The following CPD variants were observed in gnomAD, a reference collection of about 807,000 sequenced individuals.
CPD encodes carboxypeptidase D.
A neutral mutation model predicts 138.3 loss-of-function variants in CPD; 69 were observed. The observed-to-expected ratio is 0.50, with a 90% CI of 0.41 to 0.61. The LOEUF is 0.61. CPD is among the 20% of genes least tolerant of loss of function. The pLI is 0.00. For synonymous variants in CPD, 651 were observed against 642.1 expected (o/e 1.01, Z -0.21); for missense variants, 1,432 against 1,733.3 (o/e 0.83, Z 3.09).
chr17:30,417,158 A>G (rs1912131722), intron 2 of CPD, among the ~76,000 whole-genome samples: 1 of 151,768 alleles, frequency 6.6e-6, no homozygotes, highest in African/African-American at 2.4e-5. Context: ...TTTCTTATTT[A>G]TATTTGTTTA....
chr17:30,459,169 G>GTTTT (rs1913388221), intron 17 of CPD, among the ~76,000 whole-genome samples: 1 of 91,234 alleles, frequency 1.1e-5, no homozygotes, highest in African/African-American at 4.2e-5. Context: ...TTTTTTGGTT[G>GTTTT]TTGTTTTCCT....
intron 15 of CPD, 74 bp from the exon 16 acceptor site, chr17:30,456,182 A>G (rs1207803905): frequency 2.7e-6 from 3 of 1,116,338 alleles, no homozygotes; most frequent in Non-Finnish European, 2.6e-6. Flanking sequence ...GATGACTTGT[A>G]TCCATGAAGG....
intron 2 of CPD, among the ~76,000 whole-genome samples, chr17:30,396,459 C>A (rs955996329): frequency 6.6e-6 from 1 of 151,940 alleles, no homozygotes. Flanking sequence ...CTGTTTGAGA[C>A]AGAAGAGTGA....
intron 9 of CPD, among the ~76,000 whole-genome samples, chr17:30,442,020 G>A (rs1378537649): frequency 6.6e-6 from 1 of 151,674 alleles, no homozygotes; most frequent in Non-Finnish European, 1.5e-5. Context: ...GGTAGAATTC[G>A]GCTGTAAATC....
chr17:30,451,497 G>A (rs1310712666), intron 13 of CPD, among the ~76,000 whole-genome samples: 1 of 152,160 alleles, frequency 6.6e-6, no homozygotes, highest in Non-Finnish European at 1.5e-5. Flanking sequence ...TCACTGGAAG[G>A]TCTCTGGGAA....
intron 2 of CPD, among the ~76,000 whole-genome samples, chr17:30,415,410 CT>C (rs1597717142): frequency 6.6e-6 from 1 of 152,116 alleles, no homozygotes; most frequent in African/African-American, 2.4e-5. Context: ...TCACAAATCA[CT>C]GTGAAATATT....
At chr17:30,401,658 G>A (rs1190565622) in intron 2 of CPD, among the ~76,000 whole-genome samples, 1 of 151,896 alleles carries the variant, frequency 6.6e-6, no homozygotes, top group African/African-American at 2.4e-5. Flanking sequence ...TTATTTTTTT[G>A]TATTTTTTGT....
chr17:30,443,978 G>T lies in CPD; in HGVS notation c.2543+7G>T. The stretch of plus-strand genomic sequence containing the variant: ...TCACAGCATCTGCTCGAGGGTGAGT[G>T]ACTGAATGCTTTGAAATAGAGTGCT... On this transcript the variant is annotated splice_region_variant and intron_variant, in intron 11 of 20. Coordinates refer to ENST00000225719, the MANE Select transcript of CPD (RefSeq NM_001304.5). 1 of 1,613,328 alleles carries T rather than the reference G, an allele frequency of 6.2e-7. No individual in the cohort carries two copies. The highest frequency in any genetic ancestry group is 1.1e-5 in the South Asian group (1 of 91,016).
intron 17 of CPD, among the ~76,000 whole-genome samples, chr17:30,459,031 A>G (rs950804029): frequency 6.6e-6 from 1 of 151,512 alleles, no homozygotes; most frequent in African/African-American, 2.4e-5. Context: ...TTCTTTCCCC[A>G]CTGAATGGTT....
At chr17:30,455,539 C>A in intron 15 of CPD, 69 bp downstream of exon 15, 1 of 1,521,500 alleles carries the variant, frequency 6.6e-7, no homozygotes, top group South Asian at 1.2e-5. Flanking sequence ...AAGTAATGTC[C>A]CTTCCACATT....
chr17:30,410,861 A>C (rs965026096), intron 2 of CPD, among the ~76,000 whole-genome samples: 3 of 152,164 alleles, frequency 2.0e-5, no homozygotes. Flanking sequence ...ATTTACATTT[A>C]AGGTTAATGT....
chr17:30,398,944 C>G (rs1911580593), intron 2 of CPD, among the ~76,000 whole-genome samples: 2 of 151,370 alleles, frequency 1.3e-5, no homozygotes, highest in South Asian at 4.2e-4. Flanking sequence ...GATAGTTTAT[C>G]TTTTTGTCTT....
At chr17:30,415,019 C>T (rs1311113492) in intron 2 of CPD, among the ~76,000 whole-genome samples, 1 of 152,138 alleles carries the variant, frequency 6.6e-6, no homozygotes, top group African/African-American at 2.4e-5. Context: ...TTCATTATAC[C>T]AAGGAAATAA....
chr17:30,399,210 A>G (rs1298066131), intron 2 of CPD, among the ~76,000 whole-genome samples: 3 of 152,186 alleles, frequency 2.0e-5, no homozygotes, highest in East Asian at 3.8e-4. Flanking sequence ...GGTCAAACTT[A>G]AATCATACAA....
intron 6 of CPD, among the ~76,000 whole-genome samples, 181 bp from the exon 7 acceptor site, chr17:30,427,210 A>G (rs892868011): frequency 6.6e-6 from 1 of 151,916 alleles, no homozygotes; most frequent in East Asian, 1.9e-4. Flanking sequence ...GGAGTCAACC[A>G]TGTCAGATTT....
chr17:30,409,286 G>A (rs923766109), intron 2 of CPD, among the ~76,000 whole-genome samples: 10 of 152,012 alleles, frequency 6.6e-5, no homozygotes, highest in Non-Finnish European at 1.0e-4. Context: ...TTTTCGCATC[G>A]ACATTCATCA....
chr17:30,461,836 C>T, intron 18 of CPD, 41 bp from the exon 19 acceptor site: 1 of 1,514,358 alleles, frequency 6.6e-7, no homozygotes. Context: ...CCATGTCTGG[C>T]ATTATGACAA....
At position 30,466,625 on chromosome 17, in the gene CPD, G is replaced by T. The variant is rs926338442; in HGVS notation, c.*1811G>T. On this transcript the variant is annotated 3_prime_UTR_variant, in exon 21 of 21. Coordinates refer to ENST00000225719, the MANE Select transcript of CPD (RefSeq NM_001304.5). ...TTTTCTTTAAGGATGGTGGTGTATT[G>T]CTCTTTTTCAGCTTTATTTTTAAGA... 7 of 152,522 alleles carry T rather than the reference G, an allele frequency of 4.6e-5. No individual in the cohort carries two copies. The highest frequency in any genetic ancestry group is 1.0e-4 in the Non-Finnish European group (7 of 68,000). 9.4% of individuals were successfully genotyped at this position (152,522 alleles called of 1,614,324 possible).
intron 11 of CPD, among the ~76,000 whole-genome samples, chr17:30,444,309 T>C (rs1409918905): frequency 6.6e-6 from 1 of 152,160 alleles, no homozygotes; most frequent in African/African-American, 2.4e-5. Flanking sequence ...AGAGTTAGGC[T>C]GAAGTAATTC....
Sources: allele counts gnomAD v4.1 joint callset (sites outside exome capture counted in the v4.1 genomes callset), GRCh38; gene constraint gnomAD v4.1.1; transcripts MANE v1.5; gene names NCBI Gene and HGNC (gene_info 2026-07-23, HGNC 2026-07-21).